Variants in PDE6B observed in about 807,000 individuals in gnomAD.
PDE6B encodes the protein phosphodiesterase 6B.
A neutral mutation model predicts 109.0 loss-of-function variants in PDE6B; 106 were observed. The observed-to-expected ratio is 0.97, with a 90% confidence interval of 0.83 to 1.14. The LOEUF (loss-of-function observed/expected upper bound fraction) is 1.14. PDE6B is among the 50% of genes most tolerant of loss of function. PDE6B has a pLI of 0.00. For synonymous variants in PDE6B, 490 were observed against 471.3 expected (o/e 1.04, Z -0.51); for missense variants, 1,193 against 1,155.6 (o/e 1.03, Z -0.47).
chr4:653,893 G>C lies in PDE6B; in HGVS notation c.753G>C (p.Thr251=), dbSNP rs149524100. The C allele has an allele frequency of 6.2e-7, 1 of 1,613,868 alleles. No individual in the cohort carries two copies. The highest frequency in any genetic ancestry group is 8.5e-7 in the Non-Finnish European group (1 of 1,179,998). The change falls in exon 4 of 22, where the codon ACG becomes ACC. Residue 251 remains threonine, a synonymous_variant. Transcript: ENST00000496514. Reference sequence around the variant, plus strand: ...CCAACAAGGTGTTTGAGGAGCTGACGGACATCGAGAGGCAGTTCCACAAGG... The same window carrying C: ...CCAACAAGGTGTTTGAGGAGCTGACCGACATCGAGAGGCAGTTCCACAAGG... The part of the protein sequence containing the change: ...WSANKVFEEL[T]DIERQFHKAF...
chr4:669,642 C>G (rs1577315870), intron 21 of PDE6B, among the ~76,000 whole-genome samples: 1 of 87,876 alleles, frequency 1.1e-5, no homozygotes, highest in Admixed American at 1.1e-4. Flanking sequence ...ATGCTATTCC[C>G]CTACCCCATG....
At chr4:653,207 T>C (rs1735741029) in intron 3 of PDE6B, 25 of 1,004,226 alleles carry the variant, frequency 2.5e-5, no homozygotes, top group Non-Finnish European at 2.9e-5. Flanking sequence ...GCTGGCACCA[T>C]GCGGTAGAAG....
At chr4:635,544 C>T (rs34587890) in intron 2 of PDE6B, among the ~76,000 whole-genome samples, 51 of 119,474 alleles carry the variant, frequency 4.3e-4, no homozygotes, top group African/African-American at 1.0e-3. Context: ...CCTGCCTGCC[C>T]GCGTGTTCTG....
intron 5 of PDE6B, 64 bp downstream of exon 5, chr4:654,218 A>T: frequency 1.5e-6 from 2 of 1,320,354 alleles, no homozygotes; most frequent in Non-Finnish European, 2.2e-6. Flanking sequence ...CTCCAACTCC[A>T]GGGCAGGAGA....
intron 1 of PDE6B, among the ~76,000 whole-genome samples, chr4:628,776 G>C (rs773170683): frequency 6.6e-6 from 1 of 152,218 alleles, no homozygotes; most frequent in Non-Finnish European, 1.5e-5. Context: ...GAGCCCAGGC[G>C]GTGCCAGGCC....
chr4:638,939 T>G (rs1264244316), intron 3 of PDE6B, among the ~76,000 whole-genome samples: 1 of 152,190 alleles, frequency 6.6e-6, no homozygotes, highest in Non-Finnish European at 1.5e-5. Context: ...CATGCCTACC[T>G]GGCCATCGCT....
At chr4:654,431 C>A (rs978439098) in intron 5 of PDE6B, 4 of 620,862 alleles carry the variant, frequency 6.4e-6, no homozygotes, top group African/African-American at 1.8e-5. Flanking sequence ...CCCATCTCCC[C>A]ACGTGGGACC....
chr4:660,688 C>T, intron 12 of PDE6B, 75 bp downstream of exon 12: 2 of 1,310,830 alleles, frequency 1.5e-6, no homozygotes, highest in Non-Finnish European at 2.2e-6. Context: ...GTGATCAGGG[C>T]CTCAGGTGCC....
At chr4:656,182 A>AT in intron 7 of PDE6B, 63 bp from the exon 8 acceptor site, 1 of 1,240,496 alleles carries the variant, frequency 8.1e-7, no homozygotes, top group Non-Finnish European at 1.2e-6. Flanking sequence ...CACAGAGGCC[A>AT]TTTTAGATCA....
At position 635,860 on chromosome 4, in the gene PDE6B, T is replaced by C. The variant is rs756813982; in HGVS notation, c.622-20T>C. On this transcript the variant is annotated intron_variant, in intron 2 of 21. Coordinates refer to ENST00000496514, the MANE Select transcript of PDE6B (RefSeq NM_000283.4). ...TGAAAACTGGAATTTTAATTCCTCTTGTTGCAATTCCTGTTTCAGGTGTTC... is the reference window on the plus strand; with the variant it reads ...TGAAAACTGGAATTTTAATTCCTCTCGTTGCAATTCCTGTTTCAGGTGTTC... 11 of 1,287,938 alleles carry C rather than the reference T, an allele frequency of 8.5e-6. No individual in the cohort carries two copies. The highest frequency in any genetic ancestry group is 1.2e-5 in the Non-Finnish European group (11 of 882,244). The allele number at this position is 1,287,938 out of a possible 1,614,324, so 79.8% of individuals were successfully genotyped here.
At chr4:659,616 G>A (rs979958522) in intron 11 of PDE6B, among the ~76,000 whole-genome samples, 4 of 107,070 alleles carry the variant, frequency 3.7e-5, no homozygotes, top group Admixed American at 3.3e-4. Flanking sequence ...TGTGTGCATT[G>A]TATGAATGTG....
Position 654,832 on chromosome 4 carries a change from C to G in PDE6B, c.936C>G (p.Val312=), listed in dbSNP as rs753353991. The change falls in exon 6 of 22, where the codon GTC becomes GTG. Residue 312 remains valine, a synonymous_variant. Coordinates refer to ENST00000496514, the MANE Select transcript of PDE6B (RefSeq NM_000283.4). ...TGTCTTCTGCTTCTCAGGAAATTGTCTTCTACAAAGTGATCGACTACGTCC... is the reference window on the plus strand; with the variant it reads ...TGTCTTCTGCTTCTCAGGAAATTGTGTTCTACAAAGTGATCGACTACGTCC... The part of the protein sequence containing the change: ...GPRTPDGREI[V]FYKVIDYVLH... 1 of 1,557,356 alleles carries G rather than the reference C, an allele frequency of 6.4e-7. No individual in the cohort carries two copies. Among genetic ancestry groups the G allele is most frequent in the South Asian group, 1.1e-5 (1 of 90,004 alleles).
At chr4:635,793 C>T (rs185260449) in intron 2 of PDE6B, 87 bp from the exon 3 acceptor site, 29 of 773,254 alleles carry the variant, frequency 3.8e-5, no homozygotes, top group Admixed American at 3.0e-4. Flanking sequence ...CACCCTCAGG[C>T]GAGCATGTTT....
At position 636,086 on chromosome 4, in the gene PDE6B, G is replaced by A; in HGVS notation, c.711+117G>A. On this transcript the variant is annotated intron_variant, in intron 3 of 21. Transcript: ENST00000496514. This position sits in a 1 kb window ranked among gnomAD's most constrained non-coding sequence, Gnocchi z 4.5. Reference sequence around the variant, plus strand: ...TCTTGTGCTCACCTGGGTAGGTCCTGGGGTGGGCATTGCTCAGGGGAGAGG... The same window carrying A: ...TCTTGTGCTCACCTGGGTAGGTCCTAGGGTGGGCATTGCTCAGGGGAGAGG... 1.4e-6 allele frequency: 1 copy of A among 715,646 alleles called. No individual in the cohort carries two copies. The highest frequency in any genetic ancestry group is 1.5e-5 in the South Asian group (1 of 68,694). 44.3% of individuals were successfully genotyped at this position (715,646 alleles called of 1,614,324 possible). A position where few individuals can be genotyped will look rare whatever the true frequency, so the allele number is the denominator to read the frequency against.
At chr4:629,331 T>C (rs1193391959) in intron 1 of PDE6B, among the ~76,000 whole-genome samples, 4 of 152,202 alleles carry the variant, frequency 2.6e-5, no homozygotes, top group Admixed American at 1.3e-4. Context: ...CTGCAAGAGT[T>C]CACAGCGAGG....
intron 21 of PDE6B, among the ~76,000 whole-genome samples, chr4:669,461 A>C (rs1738227425): frequency 9.6e-6 from 1 of 103,976 alleles, no homozygotes; most frequent in Admixed American, 1.1e-4. Flanking sequence ...CCACTACCCC[A>C]TGCTATTCCC....
chr4:653,022 A>C (rs911284154), intron 3 of PDE6B: 52 of 219,634 alleles, frequency 2.4e-4, no homozygotes, highest in Admixed American at 5.2e-4. Flanking sequence ...AACTGAAGAT[A>C]AACTAAAATC....
At chr4:659,447 G>C (rs1292672537) in intron 11 of PDE6B, among the ~76,000 whole-genome samples, 1 of 152,204 alleles carries the variant, frequency 6.6e-6, no homozygotes, top group Non-Finnish European at 1.5e-5. Context: ...ACGCACATGG[G>C]TGTCTGTGTG....
At chr4:668,079 G>T in intron 21 of PDE6B, 73 bp downstream of exon 21, 1 of 1,428,784 alleles carries the variant, frequency 7.0e-7, no homozygotes, top group East Asian at 2.3e-5. Flanking sequence ...ACAGGGCACA[G>T]AGCAGAGTTA....
Sources: gnomAD v4.1 joint callset for allele counts (sites outside exome capture counted in the v4.1 genomes callset) on GRCh38, gnomAD v4.1.1 for gene constraint, Gnocchi (gnomAD v3.1) non-coding constraint, MANE v1.5 for transcripts, NCBI Gene and HGNC (gene_info 2026-07-23, HGNC 2026-07-21) for gene names.